The following MYLK variants were observed in gnomAD, a reference collection of about 807,000 sequenced individuals.
MYLK encodes myosin light chain kinase, smooth muscle.
Under a neutral mutation model 203.4 loss-of-function variants are expected in MYLK, and 106 were observed. The ratio of observed to expected loss-of-function variants is 0.52; its 90% CI spans 0.45 to 0.61. MYLK has a LOEUF of 0.61. Ranked by LOEUF, MYLK falls within the 20% of genes least tolerant of loss-of-function variation. The pLI is 0.00. For missense variants in MYLK, 2,072 were observed against 2,442.3 expected, an observed-to-expected ratio of 0.85 and a Z score of 3.20; for synonymous variants, 867 against 959.5, an observed-to-expected ratio of 0.90 and a Z score of 1.78.
At chr3:123,622,255 G>A (rs2057907666) in intron 31 of MYLK, 1 of 152,194 alleles carries the variant, frequency 6.6e-6, no homozygotes, top group Admixed American at 6.5e-5. Flanking sequence ...AAACCCAGAG[G>A]GTTCATTCCC....
intron 17 of MYLK, 109 bp downstream of exon 17, chr3:123,701,329 C>T: frequency 8.5e-7 from 1 of 1,178,114 alleles, no homozygotes; most frequent in Non-Finnish European, 1.3e-6. Flanking sequence ...TTGGCAGCCT[C>T]AGCTGCAGGA....
chr3:123,669,226 C>T (rs1467083064), intron 20 of MYLK, among the ~76,000 whole-genome samples: 1 of 152,196 alleles, frequency 6.6e-6, no homozygotes, highest in Non-Finnish European at 1.5e-5. Context: ...GGGCTTCCAC[C>T]AGGTTCCCTC....
intron 31 of MYLK, chr3:123,622,939 T>G (rs1277256970): frequency 2.0e-5 from 3 of 152,248 alleles, no homozygotes; most frequent in Non-Finnish European, 2.9e-5. Flanking sequence ...TTGCCCAGGC[T>G]GGGTTCCTGT....
At chr3:123,822,502 T>C (rs1453251809) in intron 3 of MYLK, among the ~76,000 whole-genome samples, 5 of 152,156 alleles carry the variant, frequency 3.3e-5, no homozygotes, top group Non-Finnish European at 1.5e-5. Context: ...CCATCCTTCT[T>C]CATCTGCAGC....
At chr3:123,851,356 T>C (rs1375326515) in intron 2 of MYLK, among the ~76,000 whole-genome samples, 1 of 152,212 alleles carries the variant, frequency 6.6e-6, no homozygotes, top group African/African-American at 2.4e-5. Flanking sequence ...TTTCATGATA[T>C]TGATTCTTCC....
chr3:123,833,620 T>A (rs1238431523), intron 2 of MYLK, among the ~76,000 whole-genome samples: 1 of 152,166 alleles, frequency 6.6e-6, no homozygotes, highest in African/African-American at 2.4e-5. Flanking sequence ...ACAACTCACA[T>A]GCACCACAGA....
At chr3:123,767,828 G>A (rs561762077) in intron 4 of MYLK, among the ~76,000 whole-genome samples, 29 of 152,324 alleles carry the variant, frequency 1.9e-4, no homozygotes, top group Middle Eastern at 6.8e-3. Flanking sequence ...GTGGGCTGCT[G>A]AGAGAGGCCT....
intron 24 of MYLK, among the ~76,000 whole-genome samples, chr3:123,651,735 T>C (rs556156394): frequency 6.6e-6 from 1 of 152,326 alleles, no homozygotes; most frequent in East Asian, 1.9e-4. Flanking sequence ...GGCCCCTGCC[T>C]GTCACTGTGA....
intron 5 of MYLK, among the ~76,000 whole-genome samples, chr3:123,749,364 C>T (rs1456028796): frequency 5.3e-5 from 8 of 152,104 alleles, no homozygotes; most frequent in Non-Finnish European, 7.4e-5. Flanking sequence ...AGGAAGTTCT[C>T]AGAGGGCAGG....
intron 11 of MYLK, among the ~76,000 whole-genome samples, chr3:123,726,618 G>C (rs151249284): frequency 1.1e-3 from 161 of 152,206 alleles, no homozygotes; most frequent in Non-Finnish European, 1.7e-3. Context: ...ATGTGCTCCA[G>C]TTTTCTAAGC....
At chr3:123,764,698 T>C (rs1185295842) in intron 4 of MYLK, among the ~76,000 whole-genome samples, 1 of 152,198 alleles carries the variant, frequency 6.6e-6, no homozygotes, top group African/African-American at 2.4e-5. Flanking sequence ...TTCAGTCTCC[T>C]TGGGTGTACA....
intron 23 of MYLK, among the ~76,000 whole-genome samples, chr3:123,663,235 GT>G (rs2059622328): frequency 1.3e-5 from 2 of 152,162 alleles, no homozygotes; most frequent in South Asian, 4.1e-4. Context: ...CGAAGACAGT[GT>G]TAAGGGAGGA....
chr3:123,791,842 T>C (rs1190348923), intron 4 of MYLK, among the ~76,000 whole-genome samples: 2 of 151,858 alleles, frequency 1.3e-5, no homozygotes, highest in Non-Finnish European at 2.9e-5. Flanking sequence ...ATTTATGTTA[T>C]GTAAATTTCA....
intron 5 of MYLK, among the ~76,000 whole-genome samples, chr3:123,749,631 T>C (rs2063135631): frequency 6.6e-6 from 1 of 152,222 alleles, no homozygotes; most frequent in African/African-American, 2.4e-5. Context: ...CCTTTTTAAG[T>C]AGCTCTAAGG....
chr3:123,863,363 C>T (rs1479305212), intron 2 of MYLK, among the ~76,000 whole-genome samples: 1 of 54,212 alleles, frequency 1.8e-5, no homozygotes, highest in Non-Finnish European at 3.8e-5. Flanking sequence ...AAAAAATAGC[C>T]TTGCCAAAAA....
At position 123,651,073 on chromosome 3, in the gene MYLK, C is replaced by T. The variant is rs138793857; in HGVS notation, c.4289-1879G>A. Among the ~76,000 whole-genome samples, 10 of 152,268 alleles carry T rather than the reference C, an allele frequency of 6.6e-5. No individual in the cohort carries two copies. In the East Asian group the frequency reaches 1.5e-3, roughly 24 times the overall value. Reference sequence around the variant, plus strand: ...ATGGAGCTGGAGGTGGCAAGCAAGACCACTGAAGGGAAGGGCTATGTCTTA... The same window carrying T: ...ATGGAGCTGGAGGTGGCAAGCAAGATCACTGAAGGGAAGGGCTATGTCTTA... On this transcript the variant is annotated intron_variant, in intron 24 of 33. Coordinates refer to ENST00000360304, the MANE Select transcript of MYLK (RefSeq NM_053025.4).
In MYLK at chr3:123,640,491, C is replaced by G; in HGVS notation, c.4633G>C (p.Glu1545Gln). ...VMVLEIVSGGELFERIIDEDF... is the reference protein window; with the variant it reads ...VMVLEIVSGGQLFERIIDEDF... The stretch of plus-strand genomic sequence containing the variant: ...TCGTCAATGATGCGCTCAAACAGCT[C>G]CCCTCCTGACACGCTGCGGGAACAC... The change falls in exon 28 of 34, where the codon GAG becomes CAG. Residue 1545 changes from glutamate (E) to glutamine (Q), a missense_variant. Glu to Gln is a conservative substitution (Grantham distance 29). This residue lies in a region of MYLK where 524 missense variants were observed against 782.4 expected (regional missense o/e 0.67). Coordinates refer to ENST00000360304, the MANE Select transcript of MYLK (RefSeq NM_053025.4). The surrounding 1 kb of genome is among the most constrained non-coding windows in gnomAD (Gnocchi z 4.3). The G allele has an allele frequency of 6.2e-7, 1 of 1,614,032 alleles. No homozygotes were observed. The highest frequency in any genetic ancestry group is 1.7e-4 in the Middle Eastern group (1 of 5,990).
At chr3:123,662,512 G>C (rs1344762260) in intron 23 of MYLK, among the ~76,000 whole-genome samples, 1 of 152,126 alleles carries the variant, frequency 6.6e-6, no homozygotes, top group Non-Finnish European at 1.5e-5. Context: ...TCAGAGAATA[G>C]AGTCGAGGAA....
chr3:123,713,632 T>G (rs965301290), intron 13 of MYLK, among the ~76,000 whole-genome samples: 1 of 140,636 alleles, frequency 7.1e-6, no homozygotes, highest in African/African-American at 2.6e-5. Flanking sequence ...TGTGTGTGTA[T>G]TGCAATTCAT....
Sources: allele counts gnomAD v4.1 joint callset (sites outside exome capture counted in the v4.1 genomes callset), GRCh38; gene constraint gnomAD v4.1.1; regional missense constraint gnomAD v4.1.1; non-coding constraint Gnocchi (gnomAD v3.1); transcripts MANE v1.5; gene names NCBI Gene and HGNC (gene_info 2026-07-23, HGNC 2026-07-21).